The following MAML3 variants were observed in gnomAD, a reference collection of about 807,000 sequenced individuals.
MAML3 encodes the protein mastermind like transcriptional coactivator 3.
Under a neutral mutation model 101.9 loss-of-function variants are expected in MAML3, and 27 were observed. The observed-to-expected ratio is 0.27, with a 90% confidence interval of 0.20 to 0.37. The LOEUF is 0.37. Among genes scored for constraint, MAML3 ranks in the 10% least tolerant of loss-of-function variants. MAML3 has a pLI of 1.00. For missense variants in MAML3, 1,316 were observed against 1,444.9 expected, an observed-to-expected ratio of 0.91 and a Z score of 1.45; for synonymous variants, 501 against 555.9, an observed-to-expected ratio of 0.90 and a Z score of 1.39.
At chr4:140,088,728 GCTT>G (rs949242205) in intron 1 of MAML3, among the ~76,000 whole-genome samples, 1 of 151,956 alleles carries the variant, frequency 6.6e-6, no homozygotes, top group African/African-American at 2.4e-5. Flanking sequence ...GTATTTAAAA[GCTT>G]CTTAAGGAAT....
chr4:140,148,086 C>T (rs964348584), intron 1 of MAML3, among the ~76,000 whole-genome samples: 2 of 152,174 alleles, frequency 1.3e-5, no homozygotes, highest in Non-Finnish European at 2.9e-5. Flanking sequence ...ATTCCTCATC[C>T]TTCTTCTTCC....
chr4:139,866,569 C>T (rs1731902936), intron 2 of MAML3, among the ~76,000 whole-genome samples: 1 of 152,194 alleles, frequency 6.6e-6, no homozygotes, highest in East Asian at 1.9e-4. Flanking sequence ...GGGTCAGACC[C>T]CGCCCAAGAT....
chr4:140,092,106 ATATATATATATACG>A (rs1260978109), intron 1 of MAML3, among the ~76,000 whole-genome samples: 42 of 128,708 alleles, frequency 3.3e-4, no homozygotes, highest in East Asian at 9.3e-4. Flanking sequence ...ATATATACGT[ATATATATATATACG>A]TATATATATA....
intron 1 of MAML3, among the ~76,000 whole-genome samples, chr4:139,985,879 A>G (rs573398832): frequency 6.6e-6 from 1 of 152,384 alleles, no homozygotes; most frequent in African/African-American, 2.4e-5. Flanking sequence ...AATTTCATTA[A>G]ATAAATTTTG....
intron 1 of MAML3, among the ~76,000 whole-genome samples, chr4:139,945,907 T>G (rs1415762051): frequency 6.6e-6 from 1 of 152,238 alleles, no homozygotes; most frequent in African/African-American, 2.4e-5. Context: ...GCCTGGGAAC[T>G]AATAGCTGTA....
At chr4:140,110,498 A>T (rs184709385) in intron 1 of MAML3, among the ~76,000 whole-genome samples, 44 of 152,354 alleles carry the variant, frequency 2.9e-4, no homozygotes, top group African/African-American at 8.7e-4. Flanking sequence ...AGTACTGCAT[A>T]TTCCTGGTGG....
chr4:139,934,712 G>C (rs1292673898), intron 1 of MAML3, among the ~76,000 whole-genome samples: 2 of 152,190 alleles, frequency 1.3e-5, no homozygotes, highest in African/African-American at 4.8e-5. Context: ...CCTCAAGGGA[G>C]TAAGGAAAAA....
At chr4:139,754,252 C>CATTATTCTTTAAATAATTCTTTAA (rs1729597356) in intron 2 of MAML3, among the ~76,000 whole-genome samples, 1 of 152,196 alleles carries the variant, frequency 6.6e-6, no homozygotes, top group Non-Finnish European at 1.5e-5. Flanking sequence ...ATTTTAATCA[C>CATTATTCTTTAAATAATTCTTTAA]ATGTTTATGT....
At chr4:139,955,623 CA>C (rs149716762) in intron 1 of MAML3, among the ~76,000 whole-genome samples, 6,199 of 152,208 alleles carry the variant, frequency 0.041, 432 homozygotes, top group African/African-American at 0.14. Flanking sequence ...TGCTTAATTC[CA>C]AATGGGTCCC....
intron 1 of MAML3, among the ~76,000 whole-genome samples, chr4:139,961,496 C>T (rs1327308986): frequency 6.6e-6 from 1 of 152,154 alleles, no homozygotes; most frequent in East Asian, 1.9e-4. Context: ...CTGGCAAGGT[C>T]CCACAATGAG....
intron 2 of MAML3, among the ~76,000 whole-genome samples, chr4:139,750,955 G>A (rs908547594): frequency 6.6e-6 from 1 of 152,188 alleles, no homozygotes; most frequent in Non-Finnish European, 1.5e-5. Flanking sequence ...GAGTGGAGAT[G>A]TCTACTCCTA....
At chr4:140,102,790 A>G (rs72714228) in intron 1 of MAML3, among the ~76,000 whole-genome samples, 27,505 of 152,052 alleles carry the variant, frequency 0.18, 2,981 homozygotes, top group Middle Eastern at 0.34. Flanking sequence ...TATCCGTGGT[A>G]CTTCACCATC....
chr4:139,924,606 T>C (rs534596894), intron 1 of MAML3, among the ~76,000 whole-genome samples: 9 of 151,770 alleles, frequency 5.9e-5, no homozygotes, highest in African/African-American at 1.7e-4. Flanking sequence ...ACTAAAATCA[T>C]TGGAGTCAGG....
intron 2 of MAML3, among the ~76,000 whole-genome samples, chr4:139,786,913 C>T (rs1730313232): frequency 6.6e-6 from 1 of 152,162 alleles, no homozygotes; most frequent in South Asian, 2.1e-4. Flanking sequence ...CCTGCTTATT[C>T]CACCCGGGGA....
At chr4:140,084,005 G>A (rs979593157) in intron 1 of MAML3, among the ~76,000 whole-genome samples, 3 of 133,326 alleles carry the variant, frequency 2.3e-5, no homozygotes, top group Non-Finnish European at 4.8e-5. Context: ...GAGAGAGAGA[G>A]AATAATGGAA....
chr4:140,119,998 G>T (rs542111809), intron 1 of MAML3, among the ~76,000 whole-genome samples: 10 of 152,114 alleles, frequency 6.6e-5, no homozygotes, highest in African/African-American at 2.4e-4. Context: ...AGCACTTTGG[G>T]AGGCCGAGGC....
At chr4:139,797,969 G>A (rs1440997570) in intron 2 of MAML3, among the ~76,000 whole-genome samples, 6 of 150,038 alleles carry the variant, frequency 4.0e-5, no homozygotes, top group Non-Finnish European at 7.4e-5. Context: ...GGGACCTGAA[G>A]TATAAGAGTT....
At chr4:139,763,579 A>G (rs763462399) in intron 2 of MAML3, among the ~76,000 whole-genome samples, 9 of 150,604 alleles carry the variant, frequency 6.0e-5, no homozygotes, top group Non-Finnish European at 1.3e-4. Context: ...GAATTGCTTA[A>G]TTAATCTAAC....
At chr4:140,097,104 T>C (rs969556180) in intron 1 of MAML3, among the ~76,000 whole-genome samples, 1 of 152,136 alleles carries the variant, frequency 6.6e-6, no homozygotes, top group Admixed American at 6.5e-5. Context: ...TTTAGTTTTA[T>C]TTTAAAACAC....
Sources: allele counts gnomAD v4.1 joint callset (sites outside exome capture counted in the v4.1 genomes callset), GRCh38; gene constraint gnomAD v4.1.1; transcripts MANE v1.5; gene names NCBI Gene and HGNC (gene_info 2026-07-23, HGNC 2026-07-21).